Variants in CSTPP1 observed in about 807,000 individuals in gnomAD.
CSTPP1 encodes centriolar satellite-associated tubulin polyglutamylase complex regulator 1.
the CSTPP1 span, among the ~76,000 whole-genome samples, chr11:46,995,605 G>C: frequency 0.055 from 8,339 of 152,214 alleles, 321 homozygotes; most frequent in Middle Eastern, 0.11. Context: ...GTTTCTTCAT[G>C]CTGAGTTCTA....
At chr11:46,951,912 T>C in the CSTPP1 span, among the ~76,000 whole-genome samples, 1 of 152,194 alleles carries the variant, frequency 6.6e-6, no homozygotes, top group Non-Finnish European at 1.5e-5. Context: ...ACACCAGTAC[T>C]TACCATTCCC....
the CSTPP1 span, among the ~76,000 whole-genome samples, chr11:47,036,140 T>A: frequency 2.9e-5 from 1 of 34,638 alleles, no homozygotes; most frequent in Non-Finnish European, 6.7e-5. Context: ...TACAATATAA[T>A]ATATAATATA....
the CSTPP1 span, among the ~76,000 whole-genome samples, chr11:47,140,209 G>A: frequency 1.3e-5 from 2 of 151,614 alleles, no homozygotes; most frequent in African/African-American, 4.8e-5. Flanking sequence ...TTTCCTGATG[G>A]CAACTGGCCA....
chr11:47,073,075 A>G, the CSTPP1 span, among the ~76,000 whole-genome samples: 3 of 152,290 alleles, frequency 2.0e-5, no homozygotes, highest in East Asian at 5.8e-4. Context: ...TTTTTTCTTC[A>G]CACATTTTTA....
chr11:47,157,753 T>C, the CSTPP1 span: 3 of 1,514,466 alleles, frequency 2.0e-6, no homozygotes, highest in Non-Finnish European at 2.7e-6. Flanking sequence ...CCTGAAAGTA[T>C]GGATGCAGAG....
chr11:47,066,841 A>C, the CSTPP1 span, among the ~76,000 whole-genome samples: 1 of 152,038 alleles, frequency 6.6e-6, no homozygotes, highest in Non-Finnish European at 1.5e-5. Flanking sequence ...GTTGTTATTA[A>C]CCTTTCTTAA....
the CSTPP1 span, among the ~76,000 whole-genome samples, chr11:47,004,206 T>A: frequency 2.0e-5 from 3 of 150,982 alleles, no homozygotes; most frequent in African/African-American, 7.3e-5. Context: ...TTTGAGATAG[T>A]GTCTCACTCT....
chr11:46,991,020 A>C, the CSTPP1 span, among the ~76,000 whole-genome samples: 1 of 152,090 alleles, frequency 6.6e-6, no homozygotes, highest in African/African-American at 2.4e-5. Flanking sequence ...TGCAAAACGC[A>C]ATCTTCATGA....
At chr11:47,164,305 C>A in the CSTPP1 span, 1 of 1,541,140 alleles carries the variant, frequency 6.5e-7, no homozygotes, top group Non-Finnish European at 8.7e-7. Flanking sequence ...CACTGCTTCA[C>A]TCAGACCAAC....
chr11:46,936,932 T>G, the CSTPP1 span: 7 of 901,948 alleles, frequency 7.8e-6, no homozygotes, highest in Non-Finnish European at 9.3e-6. Context: ...GGGGGCGGGG[T>G]CTGAGTGGGA....
At chr11:46,965,215 A>C in the CSTPP1 span, among the ~76,000 whole-genome samples, 1 of 150,512 alleles carries the variant, frequency 6.6e-6, no homozygotes, top group African/African-American at 2.5e-5. Flanking sequence ...TATTAACACA[A>C]ACAGCTTTTT....
At chr11:46,979,670 T>C in the CSTPP1 span, among the ~76,000 whole-genome samples, 1 of 150,708 alleles carries the variant, frequency 6.6e-6, no homozygotes, top group African/African-American at 2.4e-5. Context: ...CGCAGCACTT[T>C]GGGAGGCCAA....
At chr11:47,068,476 G>T in the CSTPP1 span, among the ~76,000 whole-genome samples, 1 of 152,044 alleles carries the variant, frequency 6.6e-6, no homozygotes, top group Non-Finnish European at 1.5e-5. Context: ...AGGTTGCAGT[G>T]AGCCAAGATC....
At chr11:47,093,184 A>G in the CSTPP1 span, among the ~76,000 whole-genome samples, 2 of 152,226 alleles carry the variant, frequency 1.3e-5, no homozygotes, top group Non-Finnish European at 2.9e-5. Context: ...GTGGGGAGAT[A>G]TAAGTGTAAT....
At chr11:47,123,450 G>A in the CSTPP1 span, 1 of 152,202 alleles carries the variant, frequency 6.6e-6, no homozygotes, top group East Asian at 1.9e-4. Context: ...CTGGCTGCCA[G>A]CTATATTCTC....
chr11:47,085,716 C>T, the CSTPP1 span, among the ~76,000 whole-genome samples: 1 of 151,638 alleles, frequency 6.6e-6, no homozygotes, highest in Non-Finnish European at 1.5e-5. Flanking sequence ...ATGACGAAAC[C>T]CCGTCTCTAC....
chr11:46,988,370 T>C, the CSTPP1 span, among the ~76,000 whole-genome samples: 1 of 152,174 alleles, frequency 6.6e-6, no homozygotes, highest in African/African-American at 2.4e-5. Context: ...CAATGGAGTA[T>C]TATTTGGCCC....
chr11:46,972,478 T>A, the CSTPP1 span, among the ~76,000 whole-genome samples: 1 of 152,174 alleles, frequency 6.6e-6, no homozygotes, highest in Admixed American at 6.5e-5. Flanking sequence ...AGTCTGAAGG[T>A]CAGTTCTTTC....
chr11:47,112,363 C>T, the CSTPP1 span, among the ~76,000 whole-genome samples: 1 of 151,922 alleles, frequency 6.6e-6, no homozygotes, highest in African/African-American at 2.4e-5. Context: ...GATCTGTCAC[C>T]CAGGCTGGAG....
Sources: gnomAD v4.1 joint callset for allele counts (sites outside exome capture counted in the v4.1 genomes callset) on GRCh38, gnomAD v4.1.1 for gene constraint, MANE v1.5 for transcripts, NCBI Gene and HGNC (gene_info 2026-07-23, HGNC 2026-07-21) for gene names.